Variants in DNAJC7 observed in about 807,000 individuals in gnomAD.
The protein encoded by DNAJC7 is dnaJ homolog subfamily C member 7.
DNAJC7 carries 18 observed loss-of-function variants against 67.4 expected under a neutral mutation model. The observed-to-expected ratio is 0.27, with a 90% CI of 0.18 to 0.40. The LOEUF (loss-of-function observed/expected upper bound fraction) is 0.40. Ranked by LOEUF, DNAJC7 falls within the 10% of genes least tolerant of loss-of-function variation. The pLI is 1.00. For missense variants in DNAJC7, 419 were observed against 613.8 expected (o/e 0.68, Z 3.35); for synonymous variants, 220 against 207.8 (o/e 1.06, Z -0.50).
At chr17:41,994,086 CCAG>C (rs2051588285) in intron 5 of DNAJC7, among the ~76,000 whole-genome samples, 2 of 149,416 alleles carry the variant, frequency 1.3e-5, no homozygotes, top group Non-Finnish European at 3.0e-5. Context: ...GCCTGTAATC[CCAG>C]CACTTTGGGA....
chr17:41,997,369 C>T, intron 2 of DNAJC7, 130 bp from the exon 3 acceptor site: 3 of 1,175,456 alleles, frequency 2.6e-6, no homozygotes, highest in Non-Finnish European at 3.5e-6. Flanking sequence ...GGGGAGACCA[C>T]TTGAGGTCAG....
At chr17:42,008,048 C>T (rs979377593) in intron 1 of DNAJC7, among the ~76,000 whole-genome samples, 1 of 151,444 alleles carries the variant, frequency 6.6e-6, no homozygotes, top group Non-Finnish European at 1.5e-5. Flanking sequence ...CAAGGTGGCT[C>T]ATGTCTATAA....
chr17:41,992,336 C>T (rs1409558048), intron 5 of DNAJC7, among the ~76,000 whole-genome samples: 1 of 151,994 alleles, frequency 6.6e-6, no homozygotes, highest in African/African-American at 2.4e-5. Context: ...CCAGGCCTGG[C>T]TAATTTTTTG....
Position 42,000,535 on chromosome 17 carries a change from T to C in DNAJC7, c.113A>G (p.Tyr38Cys), listed in dbSNP as rs1555649364. Residue 38 changes from tyrosine (Y) to cysteine (C), a missense_variant, in exon 2 of 14, where the codon TAC becomes TGC. Tyr to Cys is a radical substitution (Grantham distance 194, BLOSUM62 -2). Transcript: ENST00000457167. ...AETFKEQGNAYYAKKDYNEAY... is the reference protein window; with the variant it reads ...AETFKEQGNACYAKKDYNEAY... ...TTCATTGTAATCTTTCTTGGCATAG[T>C]ATGCATTTCCTTGTTCCTTGAAAGT... is the stretch of plus-strand genomic sequence containing the variant. 1.2e-6 allele frequency: 2 copies of C among 1,612,224 alleles called. No homozygotes were observed. Among genetic ancestry groups the C allele is most frequent in the Non-Finnish European group, 1.7e-6 (2 of 1,179,164 alleles).
chr17:42,000,456 T>C (rs2051779509), intron 2 of DNAJC7, 26 bp downstream of exon 2: 2 of 1,534,560 alleles, frequency 1.3e-6, no homozygotes, highest in African/African-American at 2.8e-5. Flanking sequence ...AAATGTTTTC[T>C]AGCGTAAGTA....
intron 10 of DNAJC7, 149 bp from the exon 11 acceptor site, chr17:41,982,550 T>C: frequency 9.5e-7 from 1 of 1,050,976 alleles, no homozygotes; most frequent in Non-Finnish European, 1.4e-6. Flanking sequence ...AAAAAAAATC[T>C]ACTCGGCCAG....
intron 12 of DNAJC7, 53 bp from the exon 13 acceptor site, chr17:41,977,376 A>T (rs1439167152): frequency 6.8e-7 from 1 of 1,479,770 alleles, no homozygotes; most frequent in Non-Finnish European, 9.2e-7. Flanking sequence ...AAAATTAGAA[A>T]TGTTCGAAGA....
intron 2 of DNAJC7, 87 bp from the exon 3 acceptor site, chr17:41,997,326 T>C: frequency 6.7e-7 from 1 of 1,501,006 alleles, no homozygotes; most frequent in East Asian, 2.5e-5. Flanking sequence ...CAGTGGCTCA[T>C]GCCCATAATC....
intron 1 of DNAJC7, among the ~76,000 whole-genome samples, chr17:42,007,056 C>T (rs1487510997): frequency 2.1e-5 from 3 of 140,578 alleles, no homozygotes; most frequent in Non-Finnish European, 3.1e-5. Flanking sequence ...GAGCTGACAT[C>T]GCGCCACTGC....
intron 1 of DNAJC7, among the ~76,000 whole-genome samples, chr17:42,009,959 T>G (rs566194503): frequency 6.6e-6 from 1 of 150,802 alleles, no homozygotes; most frequent in East Asian, 2.0e-4. Context: ...CTGGCCAACA[T>G]GGTGAAACCC....
At chr17:41,993,874 T>TAAAA (rs371324143) in intron 5 of DNAJC7, among the ~76,000 whole-genome samples, 1 of 139,036 alleles carries the variant, frequency 7.2e-6, no homozygotes. Flanking sequence ...CCGTCTCTAC[T>TAAAA]AAAAAAAAAA....
At position 41,988,992 on chromosome 17, in the gene DNAJC7, C is replaced by T. The variant is rs1221771599; in HGVS notation, c.754-96G>A. 4 of 1,448,226 alleles carry T rather than the reference C, an allele frequency of 2.8e-6. No individual in the cohort carries two copies. The East Asian group carries it at 7.0e-5, about 25-fold the overall frequency. 89.7% of individuals were successfully genotyped at this position (1,448,226 alleles called of 1,614,324 possible). A position where few individuals can be genotyped will look rare whatever the true frequency, so the allele number is the denominator to read the frequency against. ...ACTCTATTTTCAAGTTCTTTGCTTC[C>T]AGCAGTTCAGCATCACAGAGCCCCG... On this transcript the variant is annotated intron_variant, in intron 7 of 13. Coordinates refer to ENST00000457167, the MANE Select transcript of DNAJC7 (RefSeq NM_003315.4).
intron 9 of DNAJC7, 46 bp downstream of exon 9, chr17:41,987,773 G>C (rs531030962): frequency 2.0e-6 from 3 of 1,521,752 alleles, no homozygotes; most frequent in Admixed American, 3.8e-5. Flanking sequence ...ATTCCCCTGA[G>C]GCCAGCGGCA....
chr17:41,998,016 C>T (rs1383753433), intron 2 of DNAJC7, among the ~76,000 whole-genome samples: 5 of 152,176 alleles, frequency 3.3e-5, no homozygotes, highest in Non-Finnish European at 4.4e-5. Context: ...GCACACGCCA[C>T]CACATCCAGC....
At chr17:41,996,512 AAC>A in intron 3 of DNAJC7, 88 bp from the exon 4 acceptor site, 2 of 1,208,170 alleles carry the variant, frequency 1.7e-6, no homozygotes, top group Non-Finnish European at 2.3e-6. Context: ...ACACAAAACC[AAC>A]ACAGAGGCCA....
At chr17:41,984,064 G>A (rs911825987) in intron 9 of DNAJC7, among the ~76,000 whole-genome samples, 1 of 152,206 alleles carries the variant, frequency 6.6e-6, no homozygotes, top group Admixed American at 6.5e-5. Context: ...AAACATGCAG[G>A]ACTAGCTACA....
intron 12 of DNAJC7, among the ~76,000 whole-genome samples, chr17:41,980,164 C>T (rs552159243): frequency 6.6e-6 from 1 of 151,444 alleles, no homozygotes; most frequent in Admixed American, 6.6e-5. Flanking sequence ...ATTCTCCTGC[C>T]TCAGCCTCCC....
intron 2 of DNAJC7, among the ~76,000 whole-genome samples, chr17:41,998,277 C>G (rs1316616186): frequency 2.0e-5 from 3 of 152,052 alleles, no homozygotes; most frequent in African/African-American, 7.2e-5. Context: ...TTGAGACCAG[C>G]CTGGCCAACA....
chr17:41,980,822 G>A (rs1334201005), intron 12 of DNAJC7, among the ~76,000 whole-genome samples: 4 of 152,296 alleles, frequency 2.6e-5, no homozygotes, highest in East Asian at 3.9e-4. Context: ...AGGAATGTAT[G>A]ACATACATAA....
Sources: gnomAD v4.1 joint callset for allele counts (sites outside exome capture counted in the v4.1 genomes callset) on GRCh38, gnomAD v4.1.1 for gene constraint, MANE v1.5 for transcripts, NCBI Gene and HGNC (gene_info 2026-07-23, HGNC 2026-07-21) for gene names.